Variants in ITM2B observed in about 807,000 individuals in gnomAD.
The protein encoded by ITM2B is integral membrane protein 2B, also known as ABri/ADan amyloid peptide.
ITM2B carries 11 observed loss-of-function variants against 27.8 expected under a neutral mutation model. That is an observed-to-expected ratio of 0.40 (90% CI 0.25 to 0.66). The LOEUF (loss-of-function observed/expected upper bound fraction) is 0.66, where lower values mean the gene tolerates loss of function less well. Among genes scored for constraint, ITM2B ranks in the 30% least tolerant of loss-of-function variants. The probability of loss-of-function intolerance (pLI) is 0.43; values close to 1 mark genes in which losing one functional copy is unlikely to be tolerated. For synonymous variants in ITM2B, 114 were observed against 114.3 expected (o/e 1.00, Z 0.02); for missense variants, 296 against 328.9 (o/e 0.90, Z 0.77).
chr13:48,250,391 G>A (rs1406224850), intron 1 of ITM2B, among the ~76,000 whole-genome samples: 2 of 152,094 alleles, frequency 1.3e-5, no homozygotes, highest in Admixed American at 6.5e-5. Flanking sequence ...AGGCCGAGGC[G>A]GGTGAATCAC....
rs1951871509 is a variant in ITM2B, at chr13:48,269,399, G to A, written c.*8175G>A. 1 of 152,204 alleles carries A rather than the reference G, an allele frequency of 6.6e-6. No homozygotes were observed. The allele number at this position is 152,204 out of a possible 1,614,324, so 9.4% of individuals were successfully genotyped here. On this transcript the variant is annotated 3_prime_UTR_variant, in exon 6 of 6. Coordinates refer to ENST00000647800, the MANE Select transcript of ITM2B (RefSeq NM_021999.5). ...CCTAGAGCCTCTTCTAAACAGAGTAGCTAGAGCGATCTTTTCTAAATCTAA... is the reference window on the plus strand; with the variant it reads ...CCTAGAGCCTCTTCTAAACAGAGTAACTAGAGCGATCTTTTCTAAATCTAA...
Position 48,267,509 on chromosome 13 carries a change from T to A in ITM2B, c.*6285T>A, listed in dbSNP as rs1951859715. 6.6e-6 allele frequency: 1 copy of A among 152,184 alleles called. No individual in the cohort carries two copies. The highest frequency in any genetic ancestry group is 2.4e-5 in the African/African-American group (1 of 41,440). 9.4% of individuals were successfully genotyped at this position (152,184 alleles called of 1,614,324 possible). On this transcript the variant is annotated 3_prime_UTR_variant, in exon 6 of 6. Coordinates refer to ENST00000647800, the MANE Select transcript of ITM2B (RefSeq NM_021999.5). ...GCAGCTAGCTGACACTCTAAAAAAT[T>A]ATGAGTGCCTTCCTTTAGCTCCCCA...
At chr13:48,241,624 C>T (rs1034386075) in intron 1 of ITM2B, among the ~76,000 whole-genome samples, 2 of 152,122 alleles carry the variant, frequency 1.3e-5, no homozygotes, top group Non-Finnish European at 2.9e-5. Flanking sequence ...AGAGCTTTTG[C>T]TTTATGTAGG....
At position 48,265,333 on chromosome 13, in the gene ITM2B, CCAAA is replaced by C. The variant is rs938233321; in HGVS notation, c.*4112_*4115del. On this transcript the variant is annotated 3_prime_UTR_variant, in exon 6 of 6. Transcript: ENST00000647800. ...AGCAGATGCAAACGCCTTCTTCTTT[CCAAA>C]CAGTGTGGTCTTATCCCCGTCGCAA... The C allele has an allele frequency of 2.0e-5, 3 of 152,114 alleles. No individual in the cohort carries two copies. The highest frequency in any genetic ancestry group is 7.2e-5 in the African/African-American group (3 of 41,394). The allele number at this position is 152,114 out of a possible 1,614,324, so 9.4% of individuals were successfully genotyped here.
In ITM2B at chr13:48,233,599, C is replaced by T; in HGVS notation, c.117+122C>T. ...GGGCTCGCGCCGCGGGGACAAGTCCCCGAGAGAGCCCGGCGCTCCCGTTTC... is the reference window on the plus strand; with the variant it reads ...GGGCTCGCGCCGCGGGGACAAGTCCTCGAGAGAGCCCGGCGCTCCCGTTTC... On this transcript the variant is annotated intron_variant, in intron 1 of 5. Coordinates refer to ENST00000647800, the MANE Select transcript of ITM2B (RefSeq NM_021999.5). 5.7e-6 allele frequency: 3 copies of T among 529,706 alleles called. No individual in the cohort carries two copies. The South Asian group carries it at 8.3e-5, about 15-fold the overall frequency. 32.8% of individuals were successfully genotyped at this position (529,706 alleles called of 1,614,324 possible).
Position 48,256,181 on chromosome 13 carries a change from A to C in ITM2B, c.251A>C (p.Asp84Ala). The C allele has an allele frequency of 6.2e-7, 1 of 1,610,608 alleles. No individual in the cohort carries two copies. Residue 84 changes from aspartate to alanine, a missense_variant, in exon 3 of 6, where the codon GAT becomes GCT. Coordinates refer to ENST00000647800, the MANE Select transcript of ITM2B (RefSeq NM_021999.5). ...YLYKYFALQP[D>A]DVYYCGIKYI... is the part of the protein sequence containing the mutation. ...GAGTCTTTAAACTCTCTATAGCCAG[A>C]TGACGTGTACTACTGTGGAATAAAG...
rs1210738657 is a variant in ITM2B at position 48,265,541 on chromosome 13, C to G, written c.*4317C>G. The G allele has an allele frequency of 1.3e-5, 2 of 152,510 alleles. No individual in the cohort carries two copies. The allele number at this position is 152,510 out of a possible 1,614,324, so 9.4% of individuals were successfully genotyped here. A position where few individuals can be genotyped will look rare whatever the true frequency, so the allele number is the denominator to read the frequency against. On this transcript the variant is annotated 3_prime_UTR_variant, in exon 6 of 6. Transcript: ENST00000647800. ...GAACTTGATGGTTTCATTGTCACAC[C>G]CCAGCTTAAAACACTTTCCTGGCTT...
At chr13:48,253,467 C>G (rs1951765955) in intron 1 of ITM2B, among the ~76,000 whole-genome samples, 1 of 152,150 alleles carries the variant, frequency 6.6e-6, no homozygotes, top group African/African-American at 2.4e-5. Context: ...GTAGCATAAC[C>G]TCTTCTAAAT....
intron 1 of ITM2B, among the ~76,000 whole-genome samples, chr13:48,246,767 TAGAG>T (rs1257572552): frequency 6.6e-6 from 1 of 152,028 alleles, no homozygotes; most frequent in Non-Finnish European, 1.5e-5. Context: ...GGTCTCCAAG[TAGAG>T]AGAAAAAAAA....
chr13:48,234,478 C>G (rs1951655674), intron 1 of ITM2B, among the ~76,000 whole-genome samples: 1 of 151,964 alleles, frequency 6.6e-6, no homozygotes, highest in South Asian at 2.1e-4. Context: ...TTTTCAAGAC[C>G]TATTATCAGT....
chr13:48,250,248 T>A (rs1007799009), intron 1 of ITM2B, among the ~76,000 whole-genome samples: 1 of 152,204 alleles, frequency 6.6e-6, no homozygotes, highest in Non-Finnish European at 1.5e-5. Context: ...CATCTCTCCC[T>A]TCCCTTATTA....
intron 1 of ITM2B, among the ~76,000 whole-genome samples, chr13:48,239,682 G>A (rs967705779): frequency 2.0e-5 from 3 of 152,168 alleles, no homozygotes; most frequent in African/African-American, 7.2e-5. Context: ...TGAGTCCAGT[G>A]TTGCTGGATC....
At position 48,267,603 on chromosome 13, in the gene ITM2B, A is replaced by G. The variant is rs1951860274; in HGVS notation, c.*6379A>G. ...ACTTTTGTTGAGGATTGATAGAAATAAAAATGAGCCAGAAATGTTTCTTCA... is the reference window on the plus strand; with the variant it reads ...ACTTTTGTTGAGGATTGATAGAAATGAAAATGAGCCAGAAATGTTTCTTCA... On this transcript the variant is annotated 3_prime_UTR_variant, in exon 6 of 6. Coordinates refer to ENST00000647800, the MANE Select transcript of ITM2B (RefSeq NM_021999.5). 6.6e-6 allele frequency: 1 copy of G among 152,244 alleles called. No homozygotes were observed. Among genetic ancestry groups the G allele is most frequent in the South Asian group, 2.1e-4 (1 of 4,836 alleles). 9.4% of individuals were successfully genotyped at this position (152,244 alleles called of 1,614,324 possible). A position where few individuals can be genotyped will look rare whatever the true frequency, so the allele number is the denominator to read the frequency against.
intron 1 of ITM2B, among the ~76,000 whole-genome samples, chr13:48,235,025 T>TATATATAC (rs543054914): frequency 3.9e-5 from 6 of 152,100 alleles, no homozygotes; most frequent in South Asian, 4.1e-4. Context: ...TATATATATA[T>TATATATAC]ACACACATAC....
rs985955479 is a variant in ITM2B at position 48,265,257 on chromosome 13, C to T, written c.*4033C>T. The T allele has an allele frequency of 2.0e-5, 3 of 152,162 alleles. No homozygotes were observed. The highest frequency in any genetic ancestry group is 2.9e-5 in the Non-Finnish European group (2 of 68,026). 9.4% of individuals were successfully genotyped at this position (152,162 alleles called of 1,614,324 possible). On this transcript the variant is annotated 3_prime_UTR_variant, in exon 6 of 6. Transcript: ENST00000647800. ...TCCCATTCCCCAACAGTTTAACGTG[C>T]GATACAATAATGTGTGACACAAAAT...
Position 48,258,851 on chromosome 13 carries a change from G to C in ITM2B, c.619G>C (p.Asp207His). ...GATTCATGAGCACATGGTTATTACT[G>C]ATCGCATTGAAAACATTGATCACCT... ...YLIHEHMVIT[D>H]RIENIDHLGF... Residue 207 changes from aspartate (D) to histidine (H), a missense_variant, in exon 5 of 6, where the codon GAT becomes CAT. Coordinates refer to ENST00000647800, the MANE Select transcript of ITM2B (RefSeq NM_021999.5). 6 of 1,613,562 alleles carry C rather than the reference G, an allele frequency of 3.7e-6. No homozygotes were observed. The highest frequency in any genetic ancestry group is 5.1e-6 in the Non-Finnish European group (6 of 1,179,512).
In ITM2B at chr13:48,267,554, C is replaced by A. The variant is rs1199630793; in HGVS notation, c.*6330C>A. ...TCCCCATAGAAATGTCTTTGTATAA[C>A]CATGGCATGATATTATTCTCTTGAC... On this transcript the variant is annotated 3_prime_UTR_variant, in exon 6 of 6. Transcript: ENST00000647800. 1 of 152,158 alleles carries A rather than the reference C, an allele frequency of 6.6e-6. No homozygotes were observed. The highest frequency in any genetic ancestry group is 1.5e-5 in the Non-Finnish European group (1 of 68,034). The allele number at this position is 152,158 out of a possible 1,614,324, so 9.4% of individuals were successfully genotyped here. A position where few individuals can be genotyped will look rare whatever the true frequency, so the allele number is the denominator to read the frequency against.
intron 2 of ITM2B, among the ~76,000 whole-genome samples, 180 bp downstream of exon 2, chr13:48,254,116 G>GC (rs1951772167): frequency 6.6e-6 from 1 of 152,136 alleles, no homozygotes; most frequent in African/African-American, 2.4e-5. Flanking sequence ...TGTTTGCTGA[G>GC]CCCATCACAC....
Position 48,253,846 on chromosome 13 carries a change from C to A in ITM2B, c.156C>A (p.Ala52=). ...TGGTACCAGTTGGCCAAAGAAGAGCCTGGTGTTGGTGCATGTGCTTTGGAC... is the reference window on the plus strand; with the variant it reads ...TGGTACCAGTTGGCCAAAGAAGAGCATGGTGTTGGTGCATGTGCTTTGGAC... ...DDVVPVGQRR[A]WCWCMCFGLA... Residue 52 remains alanine (A), a synonymous_variant, in exon 2 of 6, where the codon GCC becomes GCA. Transcript: ENST00000647800. 12 of 1,613,778 alleles carry A rather than the reference C, an allele frequency of 7.4e-6. No individual in the cohort carries two copies. The highest frequency in any genetic ancestry group is 1.0e-5 in the Non-Finnish European group (12 of 1,179,738).
Sources: gnomAD v4.1 joint callset for allele counts (sites outside exome capture counted in the v4.1 genomes callset) on GRCh38, gnomAD v4.1.1 for gene constraint, MANE v1.5 for transcripts, NCBI Gene and HGNC (gene_info 2026-07-23, HGNC 2026-07-21) for gene names.